The following GPC6 variants were observed in gnomAD, a reference collection of about 807,000 sequenced individuals.
The protein encoded by GPC6 is glypican 6.
A neutral mutation model predicts 55.2 loss-of-function variants in GPC6; 14 were observed. That is an observed-to-expected ratio of 0.25 (90% CI 0.17 to 0.40). The LOEUF is 0.40. Among genes scored for constraint, GPC6 ranks in the 10% least tolerant of loss-of-function variants. GPC6 has a pLI of 1.00. For synonymous variants in GPC6, 278 were observed against 259.6 expected (o/e 1.07, Z -0.68); for missense variants, 641 against 708.5 (o/e 0.90, Z 1.08).
At chr13:93,952,785 A>G (rs2140374345) in intron 3 of GPC6, among the ~76,000 whole-genome samples, 1 of 149,198 alleles carries the variant, frequency 6.7e-6, no homozygotes, top group South Asian at 2.1e-4. Flanking sequence ...GGGTGTGTAT[A>G]TATGTGTATT....
At chr13:93,605,036 A>G (rs1878180461) in intron 2 of GPC6, among the ~76,000 whole-genome samples, 2 of 152,216 alleles carry the variant, frequency 1.3e-5, no homozygotes, top group Admixed American at 1.3e-4. Context: ...AAGAAATGGC[A>G]ATCCTAAAGG....
chr13:93,934,144 G>T (rs1878313561), intron 3 of GPC6, among the ~76,000 whole-genome samples: 1 of 152,100 alleles, frequency 6.6e-6, no homozygotes, highest in East Asian at 1.9e-4. Context: ...CACTGGTGTG[G>T]TTTTTAGAAA....
At chr13:93,935,880 T>C (rs1237077504) in intron 3 of GPC6, among the ~76,000 whole-genome samples, 1 of 152,238 alleles carries the variant, frequency 6.6e-6, no homozygotes, top group Non-Finnish European at 1.5e-5. Flanking sequence ...ATTCCTGGGT[T>C]CCATTCCAGC....
chr13:93,773,141 T>C (rs531824197), intron 2 of GPC6, among the ~76,000 whole-genome samples: 1 of 152,238 alleles, frequency 6.6e-6, no homozygotes, highest in East Asian at 1.9e-4. Context: ...ATGGAGATTG[T>C]TTAAAGAAAA....
At chr13:94,102,444 A>G (rs767672779) in intron 4 of GPC6, among the ~76,000 whole-genome samples, 29 of 151,330 alleles carry the variant, frequency 1.9e-4, no homozygotes, top group Admixed American at 1.4e-3. Flanking sequence ...TTCCAATGCA[A>G]ACTTTCCTTC....
intron 4 of GPC6, among the ~76,000 whole-genome samples, chr13:94,057,984 C>T (rs1186907302): frequency 6.6e-6 from 1 of 152,154 alleles, no homozygotes; most frequent in Non-Finnish European, 1.5e-5. Context: ...GGTCATTACC[C>T]CAAAACCCTG....
chr13:93,542,540 G>GT (rs1882357638), intron 1 of GPC6, among the ~76,000 whole-genome samples: 1 of 152,132 alleles, frequency 6.6e-6, no homozygotes, highest in African/African-American at 2.4e-5. Context: ...CTTTAAAGTA[G>GT]TTTTTTCCAA....
At chr13:93,478,279 A>G (rs1481200380) in intron 1 of GPC6, among the ~76,000 whole-genome samples, 1 of 152,124 alleles carries the variant, frequency 6.6e-6, no homozygotes, top group Non-Finnish European at 1.5e-5. Flanking sequence ...TTTTTTCTTC[A>G]GTTCTTCTCT....
At chr13:93,286,195 G>A (rs1555287768) in intron 1 of GPC6, among the ~76,000 whole-genome samples, 1 of 152,154 alleles carries the variant, frequency 6.6e-6, no homozygotes, top group Non-Finnish European at 1.5e-5. Flanking sequence ...GAGAGAGAAT[G>A]AGTGCCCAGT....
chr13:93,218,192 C>T, the GPC6 span, among the ~76,000 whole-genome samples: 2 of 151,812 alleles, frequency 1.3e-5, no homozygotes, highest in African/African-American at 4.8e-5. Context: ...ATTATTTCCC[C>T]CTGAAATGTA....
At chr13:93,229,785 T>G (rs1195607898) in intron 1 of GPC6, among the ~76,000 whole-genome samples, 2 of 152,128 alleles carry the variant, frequency 1.3e-5, no homozygotes, top group African/African-American at 4.8e-5. Context: ...AAGCCTTGTG[T>G]CCTTTGATGC....
chr13:93,293,296 C>A (rs1297492104), intron 1 of GPC6, among the ~76,000 whole-genome samples: 1 of 152,104 alleles, frequency 6.6e-6, no homozygotes, highest in Non-Finnish European at 1.5e-5. Flanking sequence ...AAAATAACCT[C>A]ATATAGTGTT....
chr13:93,717,368 G>T (rs1004607844), intron 2 of GPC6, among the ~76,000 whole-genome samples: 1 of 151,456 alleles, frequency 6.6e-6, no homozygotes, highest in Non-Finnish European at 1.5e-5. Flanking sequence ...TAAATATGTA[G>T]GTGTGTAAAT....
intron 6 of GPC6, among the ~76,000 whole-genome samples, chr13:94,333,358 C>G (rs1485015563): frequency 6.6e-6 from 1 of 152,172 alleles, no homozygotes; most frequent in African/African-American, 2.4e-5. Context: ...TGTGCAGGCT[C>G]TCTGTGCTAA....
At chr13:93,976,935 G>T (rs1397301766) in intron 3 of GPC6, among the ~76,000 whole-genome samples, 1 of 152,004 alleles carries the variant, frequency 6.6e-6, no homozygotes, top group Non-Finnish European at 1.5e-5. Flanking sequence ...ATATAAACAA[G>T]TCGTACTTCA....
chr13:93,985,728 T>C (rs147333853), intron 3 of GPC6, among the ~76,000 whole-genome samples: 3 of 149,602 alleles, frequency 2.0e-5, no homozygotes, highest in Non-Finnish European at 4.4e-5. Flanking sequence ...AAAACGGAGA[T>C]TGCCCTTACC....
chr13:93,551,550 G>A (rs1484748582), intron 2 of GPC6, among the ~76,000 whole-genome samples: 1 of 152,156 alleles, frequency 6.6e-6, no homozygotes, highest in Non-Finnish European at 1.5e-5. Context: ...ATATCGACAG[G>A]TGGAGGCAGA....
intron 4 of GPC6, among the ~76,000 whole-genome samples, chr13:94,268,999 A>G (rs929493986): frequency 2.7e-4 from 41 of 152,182 alleles, no homozygotes; most frequent in African/African-American, 9.9e-4. Flanking sequence ...TTCTGTTCTC[A>G]GTACAGAACC....
At chr13:93,423,458 T>C (rs975611697) in intron 1 of GPC6, among the ~76,000 whole-genome samples, 1 of 152,224 alleles carries the variant, frequency 6.6e-6, no homozygotes, top group Non-Finnish European at 1.5e-5. Context: ...CAGAATTTTT[T>C]CCTTTTTATT....
Sources: gnomAD v4.1 joint callset for allele counts (sites outside exome capture counted in the v4.1 genomes callset) on GRCh38, gnomAD v4.1.1 for gene constraint, MANE v1.5 for transcripts, NCBI Gene and HGNC (gene_info 2026-07-23, HGNC 2026-07-21) for gene names.